CREB1: variants seen among roughly 807,000 people sequenced by gnomAD.
The protein encoded by CREB1 is cyclic AMP-responsive element-binding protein 1.
Under a neutral mutation model 42.0 loss-of-function variants are expected in CREB1, and 2 were observed. The observed-to-expected ratio is 0.05, with a 90% CI of 0.02 to 0.15. The LOEUF is 0.15. Among genes scored for constraint, CREB1 ranks in the 10% least tolerant of loss-of-function variants. The pLI is 1.00. For synonymous variants in CREB1, 123 were observed against 139.9 expected (o/e 0.88, Z 0.85); for missense variants, 199 against 388.9 (o/e 0.51, Z 4.11).
At chr2:207,575,535 C>A in intron 6 of CREB1, 81 bp downstream of exon 6, 2 of 1,215,190 alleles carry the variant, frequency 1.6e-6, no homozygotes, top group Non-Finnish European at 2.3e-6. Context: ...AAGTAAGTAT[C>A]ATATTGCAAA....
At chr2:207,556,678 G>T (rs1239319164) in intron 2 of CREB1, among the ~76,000 whole-genome samples, 4 of 152,150 alleles carry the variant, frequency 2.6e-5, no homozygotes, top group Non-Finnish European at 5.9e-5. Context: ...GACCACCAGG[G>T]TTTACCTCCA....
chr2:207,565,607 A>G (rs1559288389), intron 3 of CREB1, among the ~76,000 whole-genome samples: 1 of 151,900 alleles, frequency 6.6e-6, no homozygotes, highest in Non-Finnish European at 1.5e-5. Context: ...TTTATATGGC[A>G]TGTTTTAATG....
chr2:207,602,549 G>A lies in CREB1; in HGVS notation c.*5491G>A, dbSNP rs13386109. On this transcript the variant is annotated 3_prime_UTR_variant, in exon 8 of 8. Coordinates refer to ENST00000353267, the MANE Select transcript of CREB1 (RefSeq NM_004379.5). ...TCTGAGGAGCATCTCAGAGAAGTGAGAGTAAATCTGAGTTAGCTTAAAAAT... is the reference window on the plus strand; with the variant it reads ...TCTGAGGAGCATCTCAGAGAAGTGAAAGTAAATCTGAGTTAGCTTAAAAAT... The A allele has an allele frequency of 0.012, 2,567 of 210,730 alleles. 37 individuals are homozygous for A. The highest frequency in any genetic ancestry group is 0.035 in the African/African-American group (1,548 of 44,160). The allele number at this position is 210,730 out of a possible 1,614,324, so 13.1% of individuals were successfully genotyped here. A position where few individuals can be genotyped will look rare whatever the true frequency, so the allele number is the denominator to read the frequency against.
intron 1 of CREB1, among the ~76,000 whole-genome samples, chr2:207,546,564 T>TA (rs201139379): frequency 0.016 from 2,392 of 151,984 alleles, 60 homozygotes; most frequent in African/African-American, 0.054. Flanking sequence ...CCATCTCTAC[T>TA]AAAAATAAAA....
intron 1 of CREB1, among the ~76,000 whole-genome samples, chr2:207,544,858 A>G (rs1284795183): frequency 6.6e-6 from 1 of 152,196 alleles, no homozygotes; most frequent in Non-Finnish European, 1.5e-5. Flanking sequence ...TGCTGAGGAT[A>G]AAGGCCTCCA....
chr2:207,543,145 C>T (rs1333448822), intron 1 of CREB1, among the ~76,000 whole-genome samples: 2 of 152,108 alleles, frequency 1.3e-5, no homozygotes, highest in Non-Finnish European at 2.9e-5. Context: ...AGTGCCTGCC[C>T]ATCACTTGAC....
chr2:207,582,910 CA>C (rs762922292), intron 7 of CREB1: 76 of 201,170 alleles, frequency 3.8e-4, no homozygotes, highest in East Asian at 5.1e-4. Context: ...AACAAACAAA[CA>C]AAAAAAAATA....
Position 207,597,257 on chromosome 2 carries a change from C to A in CREB1, c.*199C>A. The A allele has an allele frequency of 2.0e-6, 1 of 495,126 alleles. No individual in the cohort carries two copies. The highest frequency in any genetic ancestry group is 3.7e-5 in the East Asian group (1 of 27,372). 30.7% of individuals were successfully genotyped at this position (495,126 alleles called of 1,614,324 possible). A position where few individuals can be genotyped will look rare whatever the true frequency, so the allele number is the denominator to read the frequency against. ...TTCCAACACCTGCCTCCACTTCTCCCCTCAAGAAATTTTCAACGCCAGGAA... is the reference window on the plus strand; with the variant it reads ...TTCCAACACCTGCCTCCACTTCTCCACTCAAGAAATTTTCAACGCCAGGAA... On this transcript the variant is annotated 3_prime_UTR_variant, in exon 8 of 8. Transcript: ENST00000353267.
rs2087817214 is a variant in CREB1 at position 207,604,844 on chromosome 2, C to CT, written c.*7789dup. ...GAGACTCATACACTGTGTATTACTT[C>CT]TTTCGTCTAGCTTTAATGTGTTGTT... On this transcript the variant is annotated 3_prime_UTR_variant, in exon 8 of 8. Transcript: ENST00000353267. 6.6e-6 allele frequency among the ~76,000 whole-genome samples: 1 copy of CT among 152,200 alleles called. No individual in the cohort carries two copies. Among genetic ancestry groups the CT allele is most frequent in the Non-Finnish European group, 1.5e-5 (1 of 68,040 alleles).
chr2:207,596,717 G>A (rs1045023052), intron 7 of CREB1, among the ~76,000 whole-genome samples, 197 bp from the exon 8 acceptor site: 2 of 152,182 alleles, frequency 1.3e-5, no homozygotes, highest in African/African-American at 2.4e-5. Context: ...ACAGGCGTGA[G>A]CCGCCACGCC....
At chr2:207,548,223 C>A (rs1250547411) in intron 1 of CREB1, among the ~76,000 whole-genome samples, 3 of 152,280 alleles carry the variant, frequency 2.0e-5, no homozygotes, top group African/African-American at 7.2e-5. Context: ...GCCACTGCAT[C>A]TGGCTGGCAT....
At chr2:207,557,650 T>A (rs1416770995) in intron 2 of CREB1, among the ~76,000 whole-genome samples, 1 of 152,078 alleles carries the variant, frequency 6.6e-6, no homozygotes, top group East Asian at 1.9e-4. Context: ...AGAGCGAGAC[T>A]CCATCTCAAA....
intron 2 of CREB1, among the ~76,000 whole-genome samples, chr2:207,557,334 T>C (rs912146214): frequency 1.3e-5 from 2 of 152,134 alleles, no homozygotes; most frequent in African/African-American, 2.4e-5. Flanking sequence ...AGCATGTTTT[T>C]CAGTGGTTTT....
intron 6 of CREB1, chr2:207,577,199 T>TTA: frequency 9.0e-7 from 1 of 1,113,066 alleles, no homozygotes. Flanking sequence ...ATCCAAGCTG[T>TTA]GCCCCACTTA....
Position 207,605,909 on chromosome 2 carries a change from CTT to C in CREB1, c.*8852_*8853del, listed in dbSNP as rs2088011578. ...GTATCTGCTAAGCAATTTTTATTAA[CTT>C]ATGTTGATTACTATTTTTATGTCAA... is the stretch of plus-strand genomic sequence containing the variant. On this transcript the variant is annotated 3_prime_UTR_variant, in exon 8 of 8. Coordinates refer to ENST00000353267, the MANE Select transcript of CREB1 (RefSeq NM_004379.5). 1.3e-5 allele frequency among the ~76,000 whole-genome samples: 2 copies of C among 152,112 alleles called. No individual in the cohort carries two copies.
intron 7 of CREB1, among the ~76,000 whole-genome samples, chr2:207,580,348 A>G (rs555132465): frequency 1.5e-4 from 23 of 152,308 alleles, no homozygotes; most frequent in African/African-American, 5.5e-4. Context: ...TAAGGAGGTG[A>G]ACGTGGAGTG....
intron 1 of CREB1, among the ~76,000 whole-genome samples, chr2:207,547,855 G>A (rs2081353400): frequency 6.6e-6 from 1 of 151,882 alleles, no homozygotes; most frequent in Non-Finnish European, 1.5e-5. Context: ...CTTTCTTGTT[G>A]AAAGGCGCTA....
chr2:207,552,042 CAAA>C (rs71036931), intron 1 of CREB1, among the ~76,000 whole-genome samples: 24 of 69,928 alleles, frequency 3.4e-4, no homozygotes, highest in African/African-American at 1.3e-3. Context: ...AACTCCGTCT[CAAA>C]AAAAAAAAAA....
intron 1 of CREB1, among the ~76,000 whole-genome samples, chr2:207,551,707 A>G (rs897281739): frequency 5.9e-5 from 9 of 152,124 alleles, no homozygotes; most frequent in Non-Finnish European, 2.9e-5. Context: ...GTGGCCATGT[A>G]ATTATGGTCT....
Sources: allele counts gnomAD v4.1 joint callset (sites outside exome capture counted in the v4.1 genomes callset), GRCh38; gene constraint gnomAD v4.1.1; transcripts MANE v1.5; gene names NCBI Gene and HGNC (gene_info 2026-07-23, HGNC 2026-07-21).